ATP10A: variants seen among roughly 807,000 people sequenced by gnomAD.
ATP10A encodes phospholipid-transporting ATPase VA.
A neutral mutation model predicts 147.8 loss-of-function variants in ATP10A; 111 were observed. The observed-to-expected ratio is 0.75, with a 90% CI of 0.64 to 0.88. The LOEUF (loss-of-function observed/expected upper bound fraction) is 0.88, where lower values mean the gene tolerates loss of function less well. ATP10A is among the 40% of genes least tolerant of loss of function. ATP10A has a pLI of 0.00. For synonymous variants in ATP10A, 875 were observed against 841.6 expected (o/e 1.04, Z -0.69); for missense variants, 1,927 against 1,959.0 (o/e 0.98, Z 0.31).
At chr15:25,761,096 A>G (rs1414297765) in intron 2 of ATP10A, among the ~76,000 whole-genome samples, 1 of 152,250 alleles carries the variant, frequency 6.6e-6, no homozygotes. Flanking sequence ...ACTACTCTCA[A>G]TAAAAAGAAA....
At chr15:25,798,303 A>G (rs1890776823) in intron 1 of ATP10A, among the ~76,000 whole-genome samples, 1 of 152,136 alleles carries the variant, frequency 6.6e-6, no homozygotes, top group Non-Finnish European at 1.5e-5. Context: ...ATAAGGTCTG[A>G]ATTCTACATA....
Position 25,821,428 on chromosome 15 carries a change from T to C in ATP10A, c.450-40205A>G, listed in dbSNP as rs775838810. Among the ~76,000 whole-genome samples, 129 of 151,560 alleles carry C rather than the reference T, an allele frequency of 8.5e-4. 2 individuals carry two copies. The highest frequency in any genetic ancestry group is 5.3e-4 in the Non-Finnish European group (36 of 67,868). On this transcript the variant is annotated intron_variant, in intron 1 of 20. Transcript: ENST00000555815. ...AAAAAAAACAAACAAAAAAAGCATA[T>C]GGCTAGTGACCTTACAGAAACAACA...
intron 3 of ATP10A, among the ~76,000 whole-genome samples, chr15:25,730,136 C>CAAAAAAAAAAAAAA (rs765379278): frequency 9.9e-6 from 1 of 100,800 alleles, no homozygotes; most frequent in African/African-American, 3.6e-5. Flanking sequence ...ACTAAAAATA[C>CAAAAAAAAAAAAAA]AAAAAAAAAA....
chr15:25,862,882 A>G lies in ATP10A; in HGVS notation c.215T>C (p.Leu72Pro). 1.9e-6 allele frequency: 3 copies of G among 1,612,178 alleles called. No individual in the cohort carries two copies. The highest frequency in any genetic ancestry group is 2.5e-6 in the Non-Finnish European group (3 of 1,179,368). ...NRLKTTKYTL[L>P]SFLPKNLFEQ... ...GAACAGGTTCTTGGGCAGGAAGGAC[A>G]GCAGCGTGTACTTGGTAGTCTTGAG... The change falls in exon 1 of 21, where the codon CTG (leucine) becomes CCG (proline). Residue 72 changes from leucine (L) to proline (P), a missense_variant. By Grantham distance (98) the Leu-to-Pro change is moderately conservative. Transcript: ENST00000555815.
intron 1 of ATP10A, among the ~76,000 whole-genome samples, chr15:25,844,795 T>C (rs945588884): frequency 1.3e-5 from 2 of 152,158 alleles, no homozygotes; most frequent in African/African-American, 4.8e-5. Flanking sequence ...TCTGGGGACA[T>C]GCTTAGCCCC....
Position 25,810,705 on chromosome 15 carries a change from C to G in ATP10A, c.450-29482G>C, listed in dbSNP as rs573864168. On this transcript the variant is annotated intron_variant, in intron 1 of 20. Coordinates refer to ENST00000555815, the MANE Select transcript of ATP10A (RefSeq NM_024490.4). ...CGAGCCAGCACCGCCCTGGGCAGGA[C>G]GAGGAGCCCAGGGCTGCCCAGGTTC... Among the ~76,000 whole-genome samples the G allele has an allele frequency of 6.6e-5, 10 of 152,226 alleles. No homozygotes were observed. In the East Asian group the frequency reaches 1.7e-3, roughly 26 times the overall value.
intron 3 of ATP10A, among the ~76,000 whole-genome samples, chr15:25,728,468 C>T (rs1245201289): frequency 6.6e-6 from 1 of 152,104 alleles, no homozygotes; most frequent in South Asian, 2.1e-4. Flanking sequence ...AAGAGAGATT[C>T]GAGACGGCAA....
At chr15:25,845,935 C>G (rs1309679011) in intron 1 of ATP10A, among the ~76,000 whole-genome samples, 1 of 152,194 alleles carries the variant, frequency 6.6e-6, no homozygotes, top group African/African-American at 2.4e-5. Context: ...AATGGATAAA[C>G]AAGATGTGGT....
At chr15:25,705,276 A>C (rs528865641) in intron 12 of ATP10A, among the ~76,000 whole-genome samples, 1 of 152,158 alleles carries the variant, frequency 6.6e-6, no homozygotes, top group East Asian at 1.9e-4. Context: ...CTACCAAAAA[A>C]AAGTAAAAAT....
At chr15:25,725,416 G>A (rs1231685520) in intron 5 of ATP10A, among the ~76,000 whole-genome samples, 1 of 152,146 alleles carries the variant, frequency 6.6e-6, no homozygotes, top group African/African-American at 2.4e-5. Flanking sequence ...TGAAGATTTT[G>A]TTATAGAGGG....
intron 1 of ATP10A, among the ~76,000 whole-genome samples, chr15:25,811,763 C>A (rs1473413908): frequency 2.6e-5 from 4 of 152,148 alleles, no homozygotes; most frequent in Admixed American, 2.6e-4. Context: ...GCAAGGAGAC[C>A]AAGGTTTGAC....
intron 1 of ATP10A, among the ~76,000 whole-genome samples, chr15:25,817,510 T>C (rs1891713137): frequency 6.6e-6 from 1 of 152,226 alleles, no homozygotes; most frequent in African/African-American, 2.4e-5. Flanking sequence ...ATTAGCAATA[T>C]GGGGAAATAC....
intron 2 of ATP10A, among the ~76,000 whole-genome samples, chr15:25,752,654 GTAAC>G (rs1888215742): frequency 6.6e-6 from 1 of 152,152 alleles, no homozygotes; most frequent in Non-Finnish European, 1.5e-5. Flanking sequence ...GGGGAGCCTT[GTAAC>G]TCTACATAAA....
chr15:25,708,615 C>A, intron 10 of ATP10A: 1 of 244,760 alleles, frequency 4.1e-6, no homozygotes, highest in Non-Finnish European at 7.9e-6. Context: ...GCCACTGCGC[C>A]CTGCTGATGT....
At chr15:25,768,078 CTT>C (rs1418107170) in intron 2 of ATP10A, among the ~76,000 whole-genome samples, 2 of 152,234 alleles carry the variant, frequency 1.3e-5, no homozygotes, top group Non-Finnish European at 2.9e-5. Context: ...ATCTACAGGA[CTT>C]GGCAGCTGGT....
intron 1 of ATP10A, among the ~76,000 whole-genome samples, chr15:25,782,519 G>T (rs943943727): frequency 6.6e-6 from 1 of 152,080 alleles, no homozygotes; most frequent in Admixed American, 6.6e-5. Flanking sequence ...GTTAAGCCAC[G>T]TTAAGCCAAA....
chr15:25,756,099 G>A (rs1462098903), intron 2 of ATP10A, among the ~76,000 whole-genome samples: 1 of 152,048 alleles, frequency 6.6e-6, no homozygotes, highest in Non-Finnish European at 1.5e-5. Context: ...TCTGTTCATT[G>A]TTTACCTTGT....
upstream of ATP10A, chr15:25,863,709 T>G (rs1324800781): frequency 1.3e-5 from 2 of 152,178 alleles, no homozygotes; most frequent in African/African-American, 4.8e-5. Flanking sequence ...GGAATCAAAA[T>G]CCAAAGGATC....
chr15:25,753,612 C>T (rs963479680), intron 2 of ATP10A, among the ~76,000 whole-genome samples: 3 of 151,960 alleles, frequency 2.0e-5, no homozygotes, highest in African/African-American at 7.2e-5. Context: ...TTCAAGACTT[C>T]TTGTGCTTAG....
Sources: gnomAD v4.1 joint callset for allele counts (sites outside exome capture counted in the v4.1 genomes callset) on GRCh38, gnomAD v4.1.1 for gene constraint, MANE v1.5 for transcripts, NCBI Gene and HGNC (gene_info 2026-07-23, HGNC 2026-07-21) for gene names.